ODF4: variants seen among roughly 807,000 people sequenced by gnomAD.
ODF4 encodes the protein outer dense fiber of sperm tails 4, also known as outer dense fiber protein 4.
In ODF4, 11 loss-of-function variants were observed where a neutral mutation model predicts 17.0. The ratio of observed to expected loss-of-function variants is 0.65; its 90% CI spans 0.41 to 1.07. ODF4 has a LOEUF of 1.07. Among genes scored for constraint, ODF4 ranks in the 50% least tolerant of loss-of-function variants. The pLI is 0.00. For missense variants in ODF4, 281 were observed against 310.2 expected, an observed-to-expected ratio of 0.91 and a Z score of 0.71; for synonymous variants, 127 against 121.8, an observed-to-expected ratio of 1.04 and a Z score of -0.28.
intron 1 of ODF4, among the ~76,000 whole-genome samples, chr17:8,340,913 G>A (rs1486079187): frequency 1.3e-5 from 2 of 151,512 alleles, no homozygotes; most frequent in African/African-American, 2.4e-5. Context: ...ATCAGGCTGG[G>A]CACTGCGTCT....
In ODF4 at chr17:8,342,267, C is replaced by G. The variant is rs1263423552; in HGVS notation, c.454+1762C>G. Among the ~76,000 whole-genome samples, 3 of 145,664 alleles carry G rather than the reference C, an allele frequency of 2.1e-5. No homozygotes were observed. The East Asian group carries it at 5.9e-4, about 29-fold the overall frequency. ...TTTTTATTTATTTATTTATTTGAGA[C>G]AGAGTCTTGCTTTGTTGCCCAGGCT... On this transcript the variant is annotated intron_variant, in intron 1 of 2. Transcript: ENST00000328248.
At chr17:8,341,585 T>C (rs1359454218) in intron 1 of ODF4, among the ~76,000 whole-genome samples, 1 of 152,038 alleles carries the variant, frequency 6.6e-6, no homozygotes, top group Non-Finnish European at 1.5e-5. Context: ...GCCTCGAACT[T>C]CCAGGCTCAA....
In ODF4 at chr17:8,344,084, C is replaced by T. The variant is rs1025289189; in HGVS notation, c.455-1259C>T. On this transcript the variant is annotated intron_variant, in intron 1 of 2. Transcript: ENST00000328248. ...GATTACAGGGGTGAGCCACTGCACCCGACACCAATTGTATATTTTTAAAGA... is the reference window on the plus strand; with the variant it reads ...GATTACAGGGGTGAGCCACTGCACCTGACACCAATTGTATATTTTTAAAGA... 3.2e-5 allele frequency among the ~76,000 whole-genome samples: 4 copies of T among 125,158 alleles called. 1 individual carries two copies. Among genetic ancestry groups the T allele is most frequent in the Non-Finnish European group, 5.1e-5 (3 of 58,866 alleles). 82.1% of individuals were successfully genotyped at this position (125,158 alleles called of 152,430 possible).
chr17:8,340,977 T>A (rs956522459), intron 1 of ODF4, among the ~76,000 whole-genome samples: 1 of 150,982 alleles, frequency 6.6e-6, no homozygotes, highest in Non-Finnish European at 1.5e-5. Context: ...TCACCTAAGG[T>A]TGGGAGATCG....
chr17:8,339,921 T>G lies in ODF4; in HGVS notation c.-131T>G, dbSNP rs1905935537. 1 of 581,836 alleles carries G rather than the reference T, an allele frequency of 1.7e-6. No homozygotes were observed. Among genetic ancestry groups the G allele is most frequent in the Admixed American group, 3.4e-5 (1 of 29,060 alleles). 36.0% of individuals were successfully genotyped at this position (581,836 alleles called of 1,614,324 possible). A position where few individuals can be genotyped will look rare whatever the true frequency, so the allele number is the denominator to read the frequency against. On this transcript the variant is annotated 5_prime_UTR_variant, in exon 1 of 3. Transcript: ENST00000328248. ...AGTCTCTTATTTGATCGAGGTCTGT[T>G]ATTAGACTTCCTCATTCTTTCTCAG...
chr17:8,340,429 A>T lies in ODF4; in HGVS notation c.378A>T (p.Thr126=). ...WPVDVSNRIH[T]SAHVMSMGLL... is the part of the protein sequence containing the mutation. ...TGGATGTCAGCAACAGAATCCACACATCAGCCCACGTTATGTCCATGGGGC... is the reference window on the plus strand; with the variant it reads ...TGGATGTCAGCAACAGAATCCACACTTCAGCCCACGTTATGTCCATGGGGC... The change falls in exon 1 of 3, where the codon ACA becomes ACT. Residue 126 remains threonine (T), a synonymous_variant. Coordinates refer to ENST00000328248, the MANE Select transcript of ODF4 (RefSeq NM_153007.5). 1 of 1,613,916 alleles carries T rather than the reference A, an allele frequency of 6.2e-7. No homozygotes were observed. Among genetic ancestry groups the T allele is most frequent in the Non-Finnish European group, 8.5e-7 (1 of 1,179,858 alleles).
Position 8,340,356 on chromosome 17 carries a change from A to C in ODF4, c.305A>C (p.Lys102Thr). 1 of 1,613,110 alleles carries C rather than the reference A, an allele frequency of 6.2e-7. No homozygotes were observed. The highest frequency in any genetic ancestry group is 8.5e-7 in the Non-Finnish European group (1 of 1,179,538). The part of the protein sequence containing the change: ...FILLLVVAFS[K>T]KWLDLSRSLF... ...CTACTATTGGTCGTGGCCTTCTCCA[A>C]GAAATGGCTGGACCTCTCTAGGAGC... The change falls in exon 1 of 3, where the codon AAG becomes ACG. Residue 102 changes from lysine to threonine, a missense_variant. By Grantham distance (78) the Lys-to-Thr change is moderately conservative (BLOSUM62 -1). Coordinates refer to ENST00000328248, the MANE Select transcript of ODF4 (RefSeq NM_153007.5).
In ODF4 at chr17:8,345,226, C is replaced by A; in HGVS notation, c.455-117C>A. 1.0e-6 allele frequency: 1 copy of A among 984,996 alleles called. No individual in the cohort carries two copies. Among genetic ancestry groups the A allele is most frequent in the Non-Finnish European group, 1.5e-6 (1 of 657,822 alleles). 61.0% of individuals were successfully genotyped at this position (984,996 alleles called of 1,614,324 possible). ...ATGCAGGGGTTGACTCCTGGAACCT[C>A]AGGGCCAGTCACTCTGTGTGTGGTG... On this transcript the variant is annotated intron_variant, in intron 1 of 2. Transcript: ENST00000328248. The surrounding 1 kb of genome is among the most constrained non-coding windows in gnomAD (Gnocchi z 4.1).
At chr17:8,342,444 T>C (rs1449323547) in intron 1 of ODF4, among the ~76,000 whole-genome samples, 3 of 152,130 alleles carry the variant, frequency 2.0e-5, no homozygotes, top group Non-Finnish European at 2.9e-5. Flanking sequence ...AGTTTCACCA[T>C]GTTGGCCAGG....
chr17:8,345,504 A>G lies in ODF4; in HGVS notation c.589+27A>G. 1 of 1,611,938 alleles carries G rather than the reference A, an allele frequency of 6.2e-7. No individual in the cohort carries two copies. The highest frequency in any genetic ancestry group is 8.5e-7 in the Non-Finnish European group (1 of 1,178,726). ...TGAGTGGCCAGAGGGCCCTGGGGGA[A>G]GGAAGCGACATGGGTAGGGTAGGGC... On this transcript the variant is annotated intron_variant, in intron 2 of 2. Coordinates refer to ENST00000328248, the MANE Select transcript of ODF4 (RefSeq NM_153007.5). This position sits in a 1 kb window ranked among gnomAD's most constrained non-coding sequence, Gnocchi z 4.1.
rs1401541800 is a variant in ODF4, at chr17:8,343,952, C to T, written c.455-1391C>T. Among the ~76,000 whole-genome samples, 2 of 121,256 alleles carry T rather than the reference C, an allele frequency of 1.6e-5. 1 individual carries two copies. Among genetic ancestry groups the T allele is most frequent in the African/African-American group, 7.1e-5 (2 of 28,308 alleles). 79.5% of individuals were successfully genotyped at this position (121,256 alleles called of 152,430 possible). Reference sequence around the variant, plus strand: ...TACAGGCGCATGCCACCATGCCCAGCTAATTTTTATATTTTTAGTAGCGAT... The same window carrying T: ...TACAGGCGCATGCCACCATGCCCAGTTAATTTTTATATTTTTAGTAGCGAT... On this transcript the variant is annotated intron_variant, in intron 1 of 2. Coordinates refer to ENST00000328248, the MANE Select transcript of ODF4 (RefSeq NM_153007.5).
chr17:8,343,413 G>A (rs1480938336), intron 1 of ODF4, among the ~76,000 whole-genome samples: 2 of 127,148 alleles, frequency 1.6e-5, no homozygotes, highest in South Asian at 2.4e-4. Context: ...GATTATAGGC[G>A]TGAGCCAGCA....
chr17:8,340,920 G>A (rs1316529624), intron 1 of ODF4, among the ~76,000 whole-genome samples: 4 of 151,028 alleles, frequency 2.6e-5, no homozygotes, highest in Non-Finnish European at 4.4e-5. Context: ...TGGGCACTGC[G>A]TCTCACACCT....
intron 1 of ODF4, among the ~76,000 whole-genome samples, chr17:8,342,079 A>G (rs1018299108): frequency 2.6e-5 from 4 of 152,274 alleles, no homozygotes; most frequent in East Asian, 3.9e-4. Flanking sequence ...ATTGAACCAA[A>G]TGACATGCTA....
rs1164091247 is a variant in ODF4, at chr17:8,339,861, C to T, written c.-191C>T. 9 of 381,288 alleles carry T rather than the reference C, an allele frequency of 2.4e-5. No individual in the cohort carries two copies. In the East Asian group the frequency reaches 3.1e-4, roughly 13 times the overall value. 23.6% of individuals were successfully genotyped at this position (381,288 alleles called of 1,614,324 possible). A position where few individuals can be genotyped will look rare whatever the true frequency, so the allele number is the denominator to read the frequency against. ...TTCCGTGGCAGTTAGGGGACCTGGC[C>T]TGCTGAATGGGTTGGGGCCTTCTCT... On this transcript the variant is annotated 5_prime_UTR_variant, in exon 1 of 3. Transcript: ENST00000328248.
rs1906217538 is a variant in ODF4 at position 8,345,701 on chromosome 17, G to A, written c.623G>A (p.Trp208Ter). The A allele has an allele frequency of 6.2e-7, 1 of 1,614,116 alleles. No homozygotes were observed. Among genetic ancestry groups the A allele is most frequent in the Non-Finnish European group, 8.5e-7 (1 of 1,180,014 alleles). ...ILCYFNHKSF[W>*]SLILSHPSGA... ...TGCTACTTCAACCATAAAAGTTTCT[G>A]GAGTCTGATTCTGAGCCACCCCAGT... Residue 208 changes from tryptophan (W) to a stop codon, truncating the protein, a stop_gained, in exon 3 of 3, where the codon TGG (tryptophan) becomes TAG (stop). Transcript: ENST00000328248. LOFTEE classifies it low-confidence loss of function (END_TRUNC). This position sits in a 1 kb window ranked among gnomAD's most constrained non-coding sequence, Gnocchi z 4.1.
chr17:8,345,379 T>C lies in ODF4; in HGVS notation c.491T>C (p.Ile164Thr). Reference protein sequence around the residue: ...FIFSTLMLFPINIWIFELERN... With the variant: ...FIFSTLMLFPTNIWIFELERN... Reference sequence around the variant, plus strand: ...TTCTCCACCCTCATGCTATTCCCCATTAACATCTGGATCTTCGAGTTGGAA... The same window carrying C: ...TTCTCCACCCTCATGCTATTCCCCACTAACATCTGGATCTTCGAGTTGGAA... Residue 164 changes from isoleucine (I) to threonine (T), a missense_variant, in exon 2 of 3, where the codon ATT (isoleucine) becomes ACT (threonine). By Grantham distance (89) the Ile-to-Thr change is moderately conservative. Transcript: ENST00000328248. The surrounding 1 kb of genome is among the most constrained non-coding windows in gnomAD (Gnocchi z 4.1). 1.9e-6 allele frequency: 3 copies of C among 1,613,742 alleles called. No individual in the cohort carries two copies. The highest frequency in any genetic ancestry group is 2.5e-6 in the Non-Finnish European group (3 of 1,179,644).
Position 8,339,951 on chromosome 17 carries a change from C to T in ODF4, c.-101C>T, listed in dbSNP as rs1905936012. On this transcript the variant is annotated 5_prime_UTR_variant, in exon 1 of 3. Coordinates refer to ENST00000328248, the MANE Select transcript of ODF4 (RefSeq NM_153007.5). ...GACTTCCTCATTCTTTCTCAGACCT[C>T]AGGCTGCATGGTGGCAGCTGATGAA... The T allele has an allele frequency of 1.4e-6, 1 of 703,412 alleles. No homozygotes were observed. The allele number at this position is 703,412 out of a possible 1,614,324, so 43.6% of individuals were successfully genotyped here. A position where few individuals can be genotyped will look rare whatever the true frequency, so the allele number is the denominator to read the frequency against.
chr17:8,341,785 G>A (rs1906030774), intron 1 of ODF4, among the ~76,000 whole-genome samples: 2 of 151,634 alleles, frequency 1.3e-5, no homozygotes, highest in Non-Finnish European at 2.9e-5. Context: ...TCCTTAGCAT[G>A]AAAAAAATCA....
Sources: gnomAD v4.1 joint callset for allele counts (sites outside exome capture counted in the v4.1 genomes callset) on GRCh38, gnomAD v4.1.1 for gene constraint, Gnocchi (gnomAD v3.1) non-coding constraint, MANE v1.5 for transcripts, NCBI Gene and HGNC (gene_info 2026-07-23, HGNC 2026-07-21) for gene names.